The following AGAP1 variants were observed in gnomAD, a reference collection of about 807,000 sequenced individuals.
The protein encoded by AGAP1 is arf-GAP with GTPase, ANK repeat and PH domain-containing protein 1.
Under a neutral mutation model 105.3 loss-of-function variants are expected in AGAP1, and 29 were observed. That is an observed-to-expected ratio of 0.28 (90% CI 0.21 to 0.38). AGAP1 has a LOEUF of 0.38. Ranked by LOEUF, AGAP1 falls within the 10% of genes least tolerant of loss-of-function variation. AGAP1 has a pLI of 1.00. For missense variants in AGAP1, 998 were observed against 1,165.1 expected (o/e 0.86, Z 2.09); for synonymous variants, 509 against 485.9 (o/e 1.05, Z -0.63).
In AGAP1 at chr2:236,096,310, G is replaced by A. The variant is rs905328780; in HGVS notation, c.2115-23882G>A. 6.6e-6 allele frequency among the ~76,000 whole-genome samples: 1 copy of A among 152,074 alleles called. No individual in the cohort carries two copies. The highest frequency in any genetic ancestry group is 6.5e-5 in the Admixed American group (1 of 15,274). On this transcript the variant is annotated intron_variant, in intron 16 of 17. Transcript: ENST00000304032. This position sits in a 1 kb window ranked among gnomAD's most constrained non-coding sequence, Gnocchi z 4.4. ...AGGTTAGAAGTTCGAGACCAGCCTG[G>A]CCAACATAGTGAAACACCCATCTCT...
Position 236,036,573 on chromosome 2 carries a change from A to G in AGAP1, c.1658A>G (p.Asn553Ser). Residue 553 changes from asparagine to serine, a missense_variant, in exon 14 of 18, where the codon AAT becomes AGT. Physicochemically the swap from Asn to Ser is conservative, Grantham distance 46. This residue lies in a region of AGAP1 where 735 missense variants were observed against 833.4 expected (regional missense o/e 0.88). Transcript: ENST00000304032. This position sits in a 1 kb window ranked among gnomAD's most constrained non-coding sequence, Gnocchi z 5.7. ...LSGTAEEQEE[N>S]FEFIIVSLTG... ...CTCTGTGTTTCAGAACAAGAAGAAA[A>G]TTTTGAGTTTATCATTGTGTCCCTC... The G allele has an allele frequency of 6.2e-7, 1 of 1,614,086 alleles. No individual in the cohort carries two copies. The highest frequency in any genetic ancestry group is 1.7e-5 in the Admixed American group (1 of 60,014).
intron 6 of AGAP1, among the ~76,000 whole-genome samples, chr2:235,773,568 G>A (rs1002319438): frequency 4.6e-5 from 7 of 152,252 alleles, no homozygotes; most frequent in Admixed American, 2.6e-4. Context: ...TGGGGTTTTC[G>A]TTCGATTTAG....
At position 235,919,717 on chromosome 2, in the gene AGAP1, C is replaced by G. The variant is rs13020938; in HGVS notation, c.1324+10811C>G. 0.19 allele frequency among the ~76,000 whole-genome samples: 29,642 copies of G among 152,150 alleles called. 3,947 individuals are homozygous for G. The highest frequency in any genetic ancestry group is 0.48 in the East Asian group (2,472 of 5,162). ...ATGAATTTCATGTTAAAAACACACACACACACACCTGTTGCATTTATCATA... is the reference window on the plus strand; with the variant it reads ...ATGAATTTCATGTTAAAAACACACAGACACACACCTGTTGCATTTATCATA... On this transcript the variant is annotated intron_variant, in intron 11 of 17. Coordinates refer to ENST00000304032, the MANE Select transcript of AGAP1 (RefSeq NM_001037131.3). The surrounding 1 kb of genome is among the most constrained non-coding windows in gnomAD (Gnocchi z 4.1).
chr2:235,536,627 TCACACACACACACACACA>T (rs370173877), intron 1 of AGAP1, among the ~76,000 whole-genome samples: 69 of 108,314 alleles, frequency 6.4e-4, no homozygotes, highest in South Asian at 3.1e-3. Context: ...GTCGCATCCT[TCACACACACACACACACA>T]CACACACACA....
chr2:235,529,731 T>G (rs945161975), intron 1 of AGAP1, among the ~76,000 whole-genome samples: 1 of 152,126 alleles, frequency 6.6e-6, no homozygotes, highest in Non-Finnish European at 1.5e-5. Flanking sequence ...TCTGGACTGT[T>G]GGGAATTTTG....
chr2:236,029,095 C>T (rs1009167370), intron 13 of AGAP1, among the ~76,000 whole-genome samples: 3 of 152,110 alleles, frequency 2.0e-5, no homozygotes, highest in Admixed American at 6.5e-5. Context: ...CCCATGTCCT[C>T]ACCGCTACTC....
Position 235,739,095 on chromosome 2 carries a change from T to C in AGAP1, c.311-1868T>C, listed in dbSNP as rs1246701264. Among the ~76,000 whole-genome samples the C allele has an allele frequency of 1.3e-5, 2 of 152,212 alleles. No individual in the cohort carries two copies. The highest frequency in any genetic ancestry group is 4.8e-5 in the African/African-American group (2 of 41,456). ...CTGGGTCGGGTACTGTTCAGGGTGC[T>C]TTGTGTCAACTTATTACTCCTCGCC... On this transcript the variant is annotated intron_variant, in intron 3 of 17. Coordinates refer to ENST00000304032, the MANE Select transcript of AGAP1 (RefSeq NM_001037131.3). The surrounding 1 kb of genome is among the most constrained non-coding windows in gnomAD (Gnocchi z 5.3).
In AGAP1 at chr2:235,927,785, G is replaced by T. The variant is rs569072375; in HGVS notation, c.1325-2980G>T. Among the ~76,000 whole-genome samples, 1 of 152,352 alleles carries T rather than the reference G, an allele frequency of 6.6e-6. No homozygotes were observed. The highest frequency in any genetic ancestry group is 1.9e-4 in the East Asian group (1 of 5,188). On this transcript the variant is annotated intron_variant, in intron 11 of 17. Transcript: ENST00000304032. This position sits in a 1 kb window ranked among gnomAD's most constrained non-coding sequence, Gnocchi z 4.4. ...TCGGAGAACCACTCTCCAGGGAGAA[G>T]GAGCAAGAGAAGCGGTGCTCTATTG...
In AGAP1 at chr2:235,793,288, G is replaced by A. The variant is rs1207029009; in HGVS notation, c.674-4471G>A. Among the ~76,000 whole-genome samples the A allele has an allele frequency of 1.3e-5, 2 of 152,142 alleles. No homozygotes were observed. The highest frequency in any genetic ancestry group is 2.4e-5 in the African/African-American group (1 of 41,444). ...TGGGGCGTGGCACACGGTGTAATCC[G>A]GGCAGCCTTGGCGAGCACCTCCTGT... On this transcript the variant is annotated intron_variant, in intron 6 of 17. Transcript: ENST00000304032. The surrounding 1 kb of genome is among the most constrained non-coding windows in gnomAD (Gnocchi z 5.3).
At chr2:236,102,280 G>T (rs1488218151) in intron 16 of AGAP1, among the ~76,000 whole-genome samples, 1 of 151,416 alleles carries the variant, frequency 6.6e-6, no homozygotes, top group Non-Finnish European at 1.5e-5. Context: ...AGCCGGGCGT[G>T]GTGGCGGGTG....
intron 9 of AGAP1, chr2:235,852,669 C>G: frequency 7.0e-7 from 1 of 1,433,434 alleles, no homozygotes; most frequent in Non-Finnish European, 9.2e-7. Context: ...TTTTTTTTAT[C>G]TCCTTTCTCT....
intron 1 of AGAP1, among the ~76,000 whole-genome samples, chr2:235,504,844 T>G (rs1021229856): frequency 6.6e-6 from 1 of 152,224 alleles, no homozygotes; most frequent in Admixed American, 6.5e-5. Context: ...TTTCCAGCAC[T>G]TAGAGATTAG....
At chr2:235,572,177 G>T (rs1944549950) in intron 1 of AGAP1, among the ~76,000 whole-genome samples, 1 of 151,580 alleles carries the variant, frequency 6.6e-6, no homozygotes, top group Non-Finnish European at 1.5e-5. Context: ...TTACCAGGTG[G>T]CATTACTGAG....
rs1208025192 is a variant in AGAP1, at chr2:236,001,000, A to T, written c.1645+32377A>T. Among the ~76,000 whole-genome samples the T allele has an allele frequency of 6.6e-6, 1 of 152,266 alleles. No individual in the cohort carries two copies. The highest frequency in any genetic ancestry group is 1.9e-4 in the East Asian group (1 of 5,166). ...TGGCTGAATTGTGACCTCCAGAAAG[A>T]GATGAGTTGTCCTAACCCCCACTAC... On this transcript the variant is annotated intron_variant, in intron 13 of 17. Coordinates refer to ENST00000304032, the MANE Select transcript of AGAP1 (RefSeq NM_001037131.3). The surrounding 1 kb of genome is among the most constrained non-coding windows in gnomAD (Gnocchi z 4.3).
At chr2:235,815,345 C>A (rs970401425) in intron 9 of AGAP1, among the ~76,000 whole-genome samples, 1 of 152,196 alleles carries the variant, frequency 6.6e-6, no homozygotes, top group African/African-American at 2.4e-5. Context: ...TTGCTGTGTC[C>A]TCCCGTGGCC....
At chr2:235,922,067 T>C (rs1478757084) in intron 11 of AGAP1, among the ~76,000 whole-genome samples, 2 of 152,212 alleles carry the variant, frequency 1.3e-5, no homozygotes, top group East Asian at 3.9e-4. Flanking sequence ...CAGTTGTGAT[T>C]CCAGGGAACC....
intron 1 of AGAP1, among the ~76,000 whole-genome samples, chr2:235,548,640 C>T (rs189298104): frequency 1.6e-5 from 2 of 122,552 alleles, no homozygotes; most frequent in African/African-American, 6.4e-5. Context: ...GCAAAAAGTG[C>T]GAAACTCCGT....
At chr2:235,978,953 CAGTT>C (rs1415782844) in intron 13 of AGAP1, among the ~76,000 whole-genome samples, 8 of 152,194 alleles carry the variant, frequency 5.3e-5, no homozygotes, top group Middle Eastern at 6.8e-3. Flanking sequence ...GCTTTGCAGA[CAGTT>C]AGAACCTACA....
intron 1 of AGAP1, among the ~76,000 whole-genome samples, chr2:235,597,974 A>G (rs1460673640): frequency 3.1e-5 from 3 of 98,298 alleles, no homozygotes. Flanking sequence ...TGGAGCGTGC[A>G]CGCGCTCCCG....
Sources: gnomAD v4.1 joint callset for allele counts (sites outside exome capture counted in the v4.1 genomes callset) on GRCh38, gnomAD v4.1.1 for gene constraint, gnomAD v4.1.1 regional missense constraint, Gnocchi (gnomAD v3.1) non-coding constraint, MANE v1.5 for transcripts, NCBI Gene and HGNC (gene_info 2026-07-23, HGNC 2026-07-21) for gene names.